The following ACTA2 variants were observed in gnomAD, a reference collection of about 807,000 sequenced individuals.
The protein encoded by ACTA2 is actin alpha 2, smooth muscle, also known as actin, aortic smooth muscle.
Under a neutral mutation model 39.5 loss-of-function variants are expected in ACTA2, and 12 were observed. The ratio of observed to expected loss-of-function variants is 0.30; its 90% CI spans 0.19 to 0.49. ACTA2 has a LOEUF of 0.49. ACTA2 is among the 20% of genes least tolerant of loss of function. The probability of loss-of-function intolerance (pLI) is 0.99; values close to 1 mark genes in which losing one functional copy is unlikely to be tolerated. For missense variants in ACTA2, 236 were observed against 498.8 expected, an observed-to-expected ratio of 0.47 and a Z score of 5.02; for synonymous variants, 158 against 180.6, an observed-to-expected ratio of 0.88 and a Z score of 1.00.
chr10:88,940,801 AT>A, intron 6 of ACTA2: 1 of 302,116 alleles, frequency 3.3e-6, no homozygotes, highest in South Asian at 3.2e-5. Flanking sequence ...AGGGTCTATT[AT>A]TATCCCCATT....
intron 1 of ACTA2, chr10:88,989,669 A>G: frequency 2.2e-6 from 1 of 460,710 alleles, no homozygotes; most frequent in Non-Finnish European, 4.3e-6. Flanking sequence ...AACAGGCTCC[A>G]GAAGAAAATG....
intron 1 of ACTA2, chr10:88,973,368 C>A: frequency 6.9e-7 from 1 of 1,448,380 alleles, no homozygotes; most frequent in Non-Finnish European, 9.1e-7. Flanking sequence ...AATTGCCAGG[C>A]GAACAATTGT....
rs1177449670 is a variant in ACTA2 at position 88,941,386 on chromosome 10, G to A, written c.459C>T (p.Ile153=). ...SLYASGRTTG[I]VLDSGDGVTH... is the part of the protein sequence containing the mutation. Reference sequence around the variant, plus strand: ...TGACACCATCTCCAGAGTCCAGCACGATGCCTGGGAGACAATTGGGCGTGA... The same window carrying A: ...TGACACCATCTCCAGAGTCCAGCACAATGCCTGGGAGACAATTGGGCGTGA... Residue 153 remains isoleucine (I), a synonymous_variant, in exon 6 of 9, where the codon ATC becomes ATT. Transcript: ENST00000224784. 7 of 1,613,918 alleles carry A rather than the reference G, an allele frequency of 4.3e-6. No homozygotes were observed. Among genetic ancestry groups the A allele is most frequent in the Non-Finnish European group, 5.1e-6 (6 of 1,179,920 alleles).
chr10:88,972,061 A>G (rs1435710822), intron 1 of ACTA2, among the ~76,000 whole-genome samples: 2 of 151,900 alleles, frequency 1.3e-5, no homozygotes, highest in Non-Finnish European at 2.9e-5. Context: ...GGCTCACACC[A>G]CCACGCCCAG....
rs557662800 is a variant in ACTA2 at position 88,946,645 on chromosome 10, G to A, written c.258+613C>T. ...TGGGCCAAGCGATCCTCCCACCTTG[G>A]CCTCCCAAAGTGTTGGGATTACACG... is the stretch of plus-strand genomic sequence containing the variant. On this transcript the variant is annotated intron_variant, in intron 3 of 8. Coordinates refer to ENST00000224784, the MANE Select transcript of ACTA2 (RefSeq NM_001613.4). 1.6e-4 allele frequency among the ~76,000 whole-genome samples: 24 copies of A among 151,914 alleles called. No individual in the cohort carries two copies. In the South Asian group the frequency reaches 5.0e-3, roughly 32 times the overall value.
At chr10:88,970,670 G>A (rs1846419470) in intron 1 of ACTA2, among the ~76,000 whole-genome samples, 1 of 152,122 alleles carries the variant, frequency 6.6e-6, no homozygotes, top group Non-Finnish European at 1.5e-5. Context: ...ATTGAACAAT[G>A]AGAACACTTG....
chr10:88,973,325 AG>A (rs1389921000), intron 1 of ACTA2: 5 of 1,560,296 alleles, frequency 3.2e-6, no homozygotes, highest in Non-Finnish European at 4.3e-6. Context: ...AGAGACAAGA[AG>A]TGGAATGGAG....
intron 3 of ACTA2, 28 bp downstream of exon 3, chr10:88,947,230 G>A (rs1845967756): frequency 6.2e-7 from 1 of 1,613,556 alleles, no homozygotes; most frequent in Non-Finnish European, 8.5e-7. Context: ...GCATCCTGAG[G>A]GCCCAAGCTG....
At chr10:88,935,792 C>T (rs946226730) in intron 8 of ACTA2, among the ~76,000 whole-genome samples, 23 of 152,320 alleles carry the variant, frequency 1.5e-4, no homozygotes, top group African/African-American at 5.3e-4. Context: ...ACTTAGTATA[C>T]AAATGTGTTT....
At chr10:88,938,467 G>A in intron 7 of ACTA2, 1 of 553,706 alleles carries the variant, frequency 1.8e-6, no homozygotes, top group South Asian at 2.0e-5. Flanking sequence ...TGAGGTGTGG[G>A]CTACAACAGG....
chr10:88,947,428 C>T (rs754084788), intron 2 of ACTA2, 42 bp from the exon 3 acceptor site: 1 of 1,612,382 alleles, frequency 6.2e-7, no homozygotes, highest in Non-Finnish European at 8.5e-7. Flanking sequence ...TCTCCCAAAA[C>T]TTGTGAATCA....
intron 1 of ACTA2, among the ~76,000 whole-genome samples, chr10:88,988,351 C>T (rs186058278): frequency 2.0e-5 from 3 of 149,506 alleles, no homozygotes; most frequent in East Asian, 3.9e-4. Context: ...TGGTTGACAA[C>T]ATTTTTTAAA....
At chr10:88,940,602 C>T (rs941103752) in intron 6 of ACTA2, 1 of 166,028 alleles carries the variant, frequency 6.0e-6, no homozygotes, top group African/African-American at 2.4e-5. Context: ...ATGTTTCTGG[C>T]AATGCTGACA....
At chr10:88,979,612 C>CT (rs550424129) in intron 1 of ACTA2, among the ~76,000 whole-genome samples, 2,586 of 143,234 alleles carry the variant, frequency 0.018, 46 homozygotes, top group African/African-American at 0.045. Flanking sequence ...TTAATGATGA[C>CT]TTTTTTTTTT....
Position 88,941,811 on chromosome 10 carries a change from G to C in ACTA2, c.428C>G (p.Ser143Cys). 6.2e-7 allele frequency: 1 copy of C among 1,612,998 alleles called. No individual in the cohort carries two copies. The highest frequency in any genetic ancestry group is 1.3e-5 in the African/African-American group (1 of 75,020). ...AGTTGTGCGTCCAGAGGCATAGAGAGACAGCACCGCCTGGATAGCCACATA... is the reference window on the plus strand; with the variant it reads ...AGTTGTGCGTCCAGAGGCATAGAGACACAGCACCGCCTGGATAGCCACATA... Reference protein sequence around the residue: ...AMYVAIQAVLSLYASGRTTGI... With the variant: ...AMYVAIQAVLCLYASGRTTGI... Residue 143 changes from serine to cysteine, a missense_variant, in exon 5 of 9, where the codon TCT (serine) becomes TGT (cysteine). Coordinates refer to ENST00000224784, the MANE Select transcript of ACTA2 (RefSeq NM_001613.4).
Position 88,947,375 on chromosome 10 carries a change from C to A in ACTA2, c.141G>T (p.Val47=). 1.2e-6 allele frequency: 2 copies of A among 1,613,946 alleles called. No homozygotes were observed. Among genetic ancestry groups the A allele is most frequent in the Non-Finnish European group, 1.7e-6 (2 of 1,179,888 alleles). ...VGRPRHQGVM[V]GMGQKDSYVG... is the part of the protein sequence containing the mutation. ...CGTAGCTGTCTTTTTGTCCCATTCC[C>A]ACCATCACCCCCTAAAAAGGTTCAA... The change falls in exon 3 of 9, where the codon GTG becomes GTT. Residue 47 remains valine, a synonymous_variant. Coordinates refer to ENST00000224784, the MANE Select transcript of ACTA2 (RefSeq NM_001613.4).
chr10:88,943,731 A>G (rs1384051115), intron 4 of ACTA2, 66 bp downstream of exon 4: 3 of 1,363,312 alleles, frequency 2.2e-6, no homozygotes, highest in East Asian at 4.6e-5. Flanking sequence ...GCTGTGCTGC[A>G]TAGCCTCCTT....
upstream of ACTA2, among the ~76,000 whole-genome samples, chr10:88,956,189 A>T (rs1470431622): frequency 6.6e-6 from 1 of 152,152 alleles, no homozygotes; most frequent in Non-Finnish European, 1.5e-5. Flanking sequence ...ATTATGAAAA[A>T]CTTACTGGCC....
chr10:88,971,912 CTT>C (rs547839484), intron 1 of ACTA2, among the ~76,000 whole-genome samples: 50 of 139,780 alleles, frequency 3.6e-4, no homozygotes, highest in Admixed American at 5.1e-4. Flanking sequence ...AAGGGGACTA[CTT>C]TTTTTTTTTT....
Sources: gnomAD v4.1 joint callset for allele counts (sites outside exome capture counted in the v4.1 genomes callset) on GRCh38, gnomAD v4.1.1 for gene constraint, MANE v1.5 for transcripts, NCBI Gene and HGNC (gene_info 2026-07-23, HGNC 2026-07-21) for gene names.